The following CADM2 variants were observed in gnomAD, a reference collection of about 807,000 sequenced individuals.
CADM2 encodes the protein cell adhesion molecule 2, also known as immunoglobulin superfamily member 4D.
In CADM2, 12 loss-of-function variants were observed where a neutral mutation model predicts 49.8. The ratio of observed to expected loss-of-function variants is 0.24; its 90% CI spans 0.15 to 0.39. The LOEUF is 0.39. Among genes scored for constraint, CADM2 ranks in the 10% least tolerant of loss-of-function variants. The pLI is 1.00. For synonymous variants in CADM2, 214 were observed against 175.4 expected (o/e 1.22, Z -1.74); for missense variants, 378 against 492.3 (o/e 0.77, Z 2.20).
At chr3:85,553,210 AC>A (rs537720430) in intron 1 of CADM2, among the ~76,000 whole-genome samples, 218 of 152,284 alleles carry the variant, frequency 1.4e-3, no homozygotes, top group Non-Finnish European at 2.3e-3. Flanking sequence ...TGGAAATGGG[AC>A]CAAGAGTTAT....
intron 3 of CADM2, among the ~76,000 whole-genome samples, chr3:85,865,403 TTTATTA>T (rs141420781): frequency 0.034 from 5,153 of 152,222 alleles, 293 homozygotes; most frequent in African/African-American, 0.12. Context: ...CCTTCATATT[TTTATTA>T]TTATATGTTT....
At chr3:85,305,629 T>G (rs2044194900) in intron 1 of CADM2, among the ~76,000 whole-genome samples, 1 of 151,666 alleles carries the variant, frequency 6.6e-6, no homozygotes, top group Non-Finnish European at 1.5e-5. Context: ...GGGTTGACAT[T>G]ATAAATATAA....
chr3:85,174,975 C>G (rs2040737946), intron 1 of CADM2, among the ~76,000 whole-genome samples: 1 of 152,040 alleles, frequency 6.6e-6, no homozygotes. Flanking sequence ...CTTGAATAGG[C>G]ATTTCTTTTG....
chr3:85,153,317 G>A (rs1334431285), intron 1 of CADM2, among the ~76,000 whole-genome samples: 2 of 152,128 alleles, frequency 1.3e-5, no homozygotes, highest in Admixed American at 6.5e-5. Context: ...TCAAAGAAAG[G>A]GGTGGCAGAT....
At chr3:85,240,685 C>T (rs2042511950) in intron 1 of CADM2, among the ~76,000 whole-genome samples, 1 of 151,410 alleles carries the variant, frequency 6.6e-6, no homozygotes, top group African/African-American at 2.4e-5. Context: ...GCTAAGACAC[C>T]TAAAGATAAG....
At chr3:85,004,341 C>T (rs183237046) in intron 1 of CADM2, among the ~76,000 whole-genome samples, 1 of 152,144 alleles carries the variant, frequency 6.6e-6, no homozygotes, top group Non-Finnish European at 1.5e-5. Flanking sequence ...CACACCTAAG[C>T]TGACTCAGCA....
intron 1 of CADM2, among the ~76,000 whole-genome samples, chr3:85,265,473 G>A (rs2043102897): frequency 6.6e-6 from 1 of 151,938 alleles, no homozygotes; most frequent in South Asian, 2.1e-4. Context: ...GAAAGAGGAA[G>A]GACAAGAGAG....
intron 1 of CADM2, among the ~76,000 whole-genome samples, chr3:85,473,369 T>G (rs1156968056): frequency 6.6e-6 from 1 of 152,034 alleles, no homozygotes; most frequent in African/African-American, 2.4e-5. Flanking sequence ...AGCTCCTGTG[T>G]TTTGCTTGTA....
At chr3:85,108,702 A>T (rs969771466) in intron 1 of CADM2, among the ~76,000 whole-genome samples, 8 of 152,248 alleles carry the variant, frequency 5.3e-5, no homozygotes, top group East Asian at 3.9e-4. Context: ...TAAAAAAATT[A>T]AAAAAATAAA....
chr3:85,166,895 T>C (rs2040484688), intron 1 of CADM2, among the ~76,000 whole-genome samples: 2 of 152,076 alleles, frequency 1.3e-5, no homozygotes, highest in East Asian at 1.9e-4. Flanking sequence ...GTATTGTATA[T>C]GATAAAATTA....
intron 2 of CADM2, among the ~76,000 whole-genome samples, chr3:85,752,062 T>C (rs1486491130): frequency 1.3e-5 from 2 of 148,362 alleles, no homozygotes; most frequent in Non-Finnish European, 3.0e-5. Flanking sequence ...AAGAAGTGGA[T>C]AGTGTATAGG....
intron 1 of CADM2, among the ~76,000 whole-genome samples, chr3:85,002,579 AATT>A (rs1248185676): frequency 1.3e-5 from 2 of 151,592 alleles, no homozygotes; most frequent in East Asian, 1.9e-4. Flanking sequence ...TAGAGTAAAT[AATT>A]ATTATTTTTT....
intron 1 of CADM2, among the ~76,000 whole-genome samples, chr3:85,048,368 A>C (rs1021565864): frequency 2.0e-5 from 3 of 152,192 alleles, no homozygotes; most frequent in Admixed American, 6.6e-5. Flanking sequence ...CTGTGTATGG[A>C]AGATAAGTAT....
intron 1 of CADM2, among the ~76,000 whole-genome samples, chr3:85,136,039 T>C (rs1358537013): frequency 6.6e-6 from 1 of 152,004 alleles, no homozygotes; most frequent in Non-Finnish European, 1.5e-5. Flanking sequence ...GTGAAAATGG[T>C]TTCAAGTATC....
intron 7 of CADM2, among the ~76,000 whole-genome samples, chr3:85,945,624 A>T (rs1366228266): frequency 6.6e-6 from 1 of 152,200 alleles, no homozygotes; most frequent in Non-Finnish European, 1.5e-5. Context: ...CTGGTTCAAC[A>T]TATGAAAATC....
chr3:84,982,737 A>ATATATACG (rs1553663805), intron 1 of CADM2, among the ~76,000 whole-genome samples: 8 of 115,380 alleles, frequency 6.9e-5, no homozygotes, highest in Non-Finnish European at 1.4e-4. Flanking sequence ...ATATATATAC[A>ATATATACG]TTTTTTGTTT....
intron 1 of CADM2, among the ~76,000 whole-genome samples, chr3:85,700,229 G>C (rs950774866): frequency 6.6e-6 from 1 of 151,940 alleles, no homozygotes; most frequent in Admixed American, 6.6e-5. Context: ...GCAAACTATC[G>C]CAAAAACAAA....
At chr3:86,051,740 A>G (rs1270796343) in intron 8 of CADM2, among the ~76,000 whole-genome samples, 1 of 152,094 alleles carries the variant, frequency 6.6e-6, no homozygotes, top group Non-Finnish European at 1.5e-5. Flanking sequence ...GTGCAGGAGG[A>G]AGAGAGAGCC....
At chr3:85,458,828 A>G (rs2107584537) in intron 1 of CADM2, among the ~76,000 whole-genome samples, 2 of 152,292 alleles carry the variant, frequency 1.3e-5, no homozygotes, top group Admixed American at 1.3e-4. Context: ...ACAACAAATA[A>G]AAGTACATTT....
Sources: gnomAD v4.1 joint callset for allele counts (sites outside exome capture counted in the v4.1 genomes callset) on GRCh38, gnomAD v4.1.1 for gene constraint, MANE v1.5 for transcripts, NCBI Gene and HGNC (gene_info 2026-07-23, HGNC 2026-07-21) for gene names.